The following OSMR variants were observed in gnomAD, a reference collection of about 807,000 sequenced individuals.
The protein encoded by OSMR is oncostatin M receptor, also known as oncostatin-M-specific receptor subunit beta.
In OSMR, 81 loss-of-function variants were observed where a neutral mutation model predicts 99.9. The observed-to-expected ratio is 0.81, with a 90% confidence interval of 0.68 to 0.97. OSMR has a LOEUF of 0.97. Ranked by LOEUF, OSMR falls within the 50% of genes least tolerant of loss-of-function variation. OSMR has a pLI of 0.00. For missense variants in OSMR, 1,099 were observed against 1,153.4 expected (o/e 0.95, Z 0.68); for synonymous variants, 406 against 410.4 (o/e 0.99, Z 0.13).
downstream of OSMR, chr5:38,940,395 T>A: frequency 4.3e-6 from 1 of 232,460 alleles, no homozygotes. Context: ...CATTACTTCC[T>A]TTGGAGGTTT....
chr5:38,848,370 T>C lies in OSMR; in HGVS notation c.-14+1983T>C, dbSNP rs551385578. 5.5e-4 allele frequency among the ~76,000 whole-genome samples: 84 copies of C among 152,360 alleles called. 1 individual carries two copies. In the South Asian group the frequency reaches 0.017, roughly 30 times the overall value. ...GTAGCTACATGAAGAGAGAATTTCT[T>C]TTCCAACAGCTGTGTTGGTGGCTTC... On this transcript the variant is annotated intron_variant, in intron 1 of 17. Coordinates refer to ENST00000274276, the MANE Select transcript of OSMR (RefSeq NM_003999.3).
At chr5:38,884,232 A>G in intron 5 of OSMR, 121 bp downstream of exon 5, 1 of 879,370 alleles carries the variant, frequency 1.1e-6, no homozygotes, top group African/African-American at 1.7e-5. Flanking sequence ...TTGTTTCCCA[A>G]GTTTTCTAGG....
At chr5:38,937,568 G>C (rs1446576919), downstream of OSMR, among the ~76,000 whole-genome samples, 1 of 151,976 alleles carries the variant, frequency 6.6e-6, no homozygotes, top group Non-Finnish European at 1.5e-5. This position sits in a 1 kb window ranked among gnomAD's most constrained non-coding sequence, Gnocchi z 4.0. Context: ...CCAATATCAG[G>C]GCAGTTTATG....
intron 1 of OSMR, among the ~76,000 whole-genome samples, chr5:38,864,830 G>A (rs1328829155): frequency 6.6e-6 from 1 of 152,094 alleles, no homozygotes; most frequent in African/African-American, 2.4e-5. Context: ...GATTTTCAAT[G>A]TCATTGCCCA....
At chr5:38,938,374 G>C (rs1024867132), downstream of OSMR, 1 of 230,068 alleles carries the variant, frequency 4.3e-6, no homozygotes, top group East Asian at 6.2e-5. Flanking sequence ...AGGTATTTTT[G>C]TAACAATTAC....
chr5:38,893,209 A>AG (rs1458182584), intron 7 of OSMR, among the ~76,000 whole-genome samples: 1 of 152,232 alleles, frequency 6.6e-6, no homozygotes, highest in Non-Finnish European at 1.5e-5. Flanking sequence ...AGAAGTACCT[A>AG]GGGCTATAGG....
intron 1 of OSMR, among the ~76,000 whole-genome samples, chr5:38,858,836 G>T (rs149737238): frequency 6.6e-6 from 1 of 152,216 alleles, no homozygotes; most frequent in African/African-American, 2.4e-5. Flanking sequence ...CTGTGGTTTT[G>T]ATTTGCATTT....
intron 2 of OSMR, among the ~76,000 whole-genome samples, chr5:38,873,174 A>G (rs1742525944): frequency 6.6e-6 from 1 of 152,236 alleles, no homozygotes; most frequent in Non-Finnish European, 1.5e-5. Context: ...GCAATTTCAT[A>G]CAAATGGAAT....
intron 3 of OSMR, among the ~76,000 whole-genome samples, chr5:38,879,115 A>C (rs1328641628): frequency 6.6e-6 from 1 of 152,216 alleles, no homozygotes; most frequent in Admixed American, 6.5e-5. Flanking sequence ...CACAATTTGG[A>C]TAAAGGGCTG....
At chr5:38,940,130 T>TA (rs1554057737), downstream of OSMR, 2,477 of 82,690 alleles carry the variant, frequency 0.03, 3 homozygotes, top group Middle Eastern at 0.035. Context: ...AAAGTAACAG[T>TA]AAAAAAAAAA....
intron 7 of OSMR, among the ~76,000 whole-genome samples, chr5:38,888,243 C>T (rs548438611): frequency 4.6e-4 from 70 of 152,130 alleles, no homozygotes; most frequent in Non-Finnish European, 6.2e-4. Flanking sequence ...CCCGCCCTAG[C>T]CTTTTAATAT....
chr5:38,905,311 A>G (rs1745157141), intron 9 of OSMR, among the ~76,000 whole-genome samples: 2 of 152,102 alleles, frequency 1.3e-5, no homozygotes, highest in South Asian at 4.2e-4. Context: ...CAACATGGTG[A>G]AACCCCATCT....
chr5:38,943,167 T>A (rs200280401), intron 1 of OSMR: 5,397 of 415,378 alleles, frequency 0.013, 233 homozygotes, highest in African/African-American at 0.095. Flanking sequence ...GGTTTTTTTT[T>A]AAAAAAAATG....
At chr5:38,879,070 A>G (rs944662961) in intron 3 of OSMR, among the ~76,000 whole-genome samples, 1 of 152,198 alleles carries the variant, frequency 6.6e-6, no homozygotes, top group Non-Finnish European at 1.5e-5. Context: ...CACTGATGAG[A>G]TGCTATGAGG....
At chr5:38,923,307 C>A in intron 13 of OSMR, 53 bp downstream of exon 13, 1 of 1,130,688 alleles carries the variant, frequency 8.8e-7, no homozygotes, top group Non-Finnish European at 1.3e-6. Flanking sequence ...CAGAACAATT[C>A]ATAGATTCCT....
chr5:38,875,295 T>A (rs773421108), intron 2 of OSMR, among the ~76,000 whole-genome samples: 46 of 152,234 alleles, frequency 3.0e-4, no homozygotes, highest in Non-Finnish European at 6.0e-4. Flanking sequence ...GGTGTTTTCC[T>A]CCTCTTAAGT....
chr5:38,861,300 G>C (rs961856595), intron 1 of OSMR, among the ~76,000 whole-genome samples: 2 of 151,972 alleles, frequency 1.3e-5, no homozygotes, highest in Non-Finnish European at 2.9e-5. Flanking sequence ...CTGGGTACTT[G>C]AGATTAGGGA....
In OSMR at chr5:38,914,038, T is replaced by A. The variant is rs114660008; in HGVS notation, c.1286-3508T>A. Among the ~76,000 whole-genome samples, 313 of 152,350 alleles carry A rather than the reference T, an allele frequency of 2.1e-3. 1 individual carries two copies. Among genetic ancestry groups the A allele is most frequent in the Non-Finnish European group, 1.6e-3 (110 of 68,014 alleles). ...TCTCAAATGCAAGTGGAGCCTGACA[T>A]AATAAAACTCTGGTTTCATTTCAAC... On this transcript the variant is annotated intron_variant, in intron 9 of 17. Transcript: ENST00000274276.
At chr5:38,943,045 C>T (rs924655206) in intron 1 of OSMR, 25 of 1,104,348 alleles carry the variant, frequency 2.3e-5, no homozygotes, top group Non-Finnish European at 3.2e-5. Context: ...GTATCACTTA[C>T]TTTAAAAATA....
Sources: allele counts gnomAD v4.1 joint callset (sites outside exome capture counted in the v4.1 genomes callset), GRCh38; gene constraint gnomAD v4.1.1; non-coding constraint Gnocchi (gnomAD v3.1); transcripts MANE v1.5; gene names NCBI Gene and HGNC (gene_info 2026-07-23, HGNC 2026-07-21).